Variants in COG6 observed in about 807,000 individuals in gnomAD.
The protein encoded by COG6 is component of oligomeric golgi complex 6.
A neutral mutation model predicts 88.8 loss-of-function variants in COG6; 74 were observed. The ratio of observed to expected loss-of-function variants is 0.83; its 90% CI spans 0.69 to 1.01. The LOEUF (loss-of-function observed/expected upper bound fraction) is 1.01. Ranked by LOEUF, COG6 falls within the 50% of genes least tolerant of loss-of-function variation. The pLI, the probability that COG6 is intolerant of heterozygous loss-of-function variation, is 0.00. For synonymous variants in COG6, 286 were observed against 278.7 expected (o/e 1.03, Z -0.26); for missense variants, 800 against 797.9 (o/e 1.00, Z -0.03).
chr13:39,784,399 G>A (rs1593489818), intron 18 of COG6, among the ~76,000 whole-genome samples: 1 of 152,346 alleles, frequency 6.6e-6, no homozygotes, highest in East Asian at 1.9e-4. Context: ...AGAGGCAGGA[G>A]CTCTGGGCTT....
chr13:39,673,618 A>G (rs1875780250), intron 4 of COG6, among the ~76,000 whole-genome samples: 1 of 152,044 alleles, frequency 6.6e-6, no homozygotes, highest in Non-Finnish European at 1.5e-5. Flanking sequence ...TTTCCATCAT[A>G]TGAATTAGGT....
chr13:39,733,568 G>T (rs1324904174), intron 18 of COG6, among the ~76,000 whole-genome samples: 1 of 151,148 alleles, frequency 6.6e-6, no homozygotes, highest in African/African-American at 2.4e-5. Context: ...GCTCATCAGG[G>T]ATATTGGCCT....
intron 18 of COG6, among the ~76,000 whole-genome samples, chr13:39,746,658 A>G (rs1880367611): frequency 6.6e-6 from 1 of 152,194 alleles, no homozygotes; most frequent in Non-Finnish European, 1.5e-5. Flanking sequence ...GATATTAGTA[A>G]TTAGTGAATA....
intron 18 of COG6, among the ~76,000 whole-genome samples, chr13:39,782,481 C>A (rs541488600): frequency 2.0e-5 from 3 of 152,118 alleles, no homozygotes; most frequent in African/African-American, 7.2e-5. Flanking sequence ...GGGAGGCCCC[C>A]CTCTTGTCCA....
chr13:39,751,889 A>G lies in COG6; in HGVS notation c.*796A>G, dbSNP rs760219571. 5 of 1,281,334 alleles carry G rather than the reference A, an allele frequency of 3.9e-6. No individual in the cohort carries two copies. Among genetic ancestry groups the G allele is most frequent in the East Asian group, 5.6e-5 (1 of 18,000 alleles). 79.4% of individuals were successfully genotyped at this position (1,281,334 alleles called of 1,614,324 possible). A position where few individuals can be genotyped will look rare whatever the true frequency, so the allele number is the denominator to read the frequency against. ...CTGTGTCTAAGCCTGGTGTTTAAAG[A>G]TGGGTATTTGTCATACAATATGGGT... On this transcript the variant is annotated 3_prime_UTR_variant, in exon 19 of 19. Coordinates refer to ENST00000455146, the MANE Select transcript of COG6 (RefSeq NM_020751.3).
intron 16 of COG6, 43 bp from the exon 17 acceptor site, chr13:39,724,465 T>C (rs774100366): frequency 6.9e-7 from 1 of 1,446,610 alleles, no homozygotes; most frequent in South Asian, 1.2e-5. Context: ...ATATCTCCTT[T>C]TTTACATCTT....
At chr13:39,700,103 C>T (rs1566185575) in intron 13 of COG6, among the ~76,000 whole-genome samples, 2 of 151,816 alleles carry the variant, frequency 1.3e-5, no homozygotes, top group Non-Finnish European at 2.9e-5. Context: ...ACAAAATCCT[C>T]AAAGAGTCCT....
At chr13:39,671,866 TTG>T (rs1227348175) in intron 4 of COG6, among the ~76,000 whole-genome samples, 1 of 151,998 alleles carries the variant, frequency 6.6e-6, no homozygotes, top group Non-Finnish European at 1.5e-5. Flanking sequence ...AGTTCCTTCT[TTG>T]TACTCCCACA....
chr13:39,702,004 G>A (rs754729455), intron 13 of COG6, among the ~76,000 whole-genome samples: 1 of 151,960 alleles, frequency 6.6e-6, no homozygotes, highest in African/African-American at 2.4e-5. Context: ...AAGAAAATTA[G>A]AAGTTTTTAG....
At chr13:39,677,675 A>T in intron 5 of COG6, 96 bp downstream of exon 5, 2 of 659,424 alleles carry the variant, frequency 3.0e-6, no homozygotes, top group Non-Finnish European at 5.2e-6. Context: ...CATTAAAAAA[A>T]GTTTCATCTG....
At chr13:39,704,195 G>A (rs1877749726) in intron 13 of COG6, among the ~76,000 whole-genome samples, 2 of 152,036 alleles carry the variant, frequency 1.3e-5, no homozygotes, top group South Asian at 4.1e-4. Flanking sequence ...TCATGTAAAA[G>A]TTAAAATGAA....
intron 8 of COG6, among the ~76,000 whole-genome samples, chr13:39,686,857 G>A (rs1426709111): frequency 1.3e-5 from 2 of 151,944 alleles, no homozygotes; most frequent in Non-Finnish European, 2.9e-5. Context: ...AGCCTTCCGA[G>A]TAGCTGGGAC....
At chr13:39,674,786 G>A (rs1424288728) in intron 4 of COG6, among the ~76,000 whole-genome samples, 2 of 152,108 alleles carry the variant, frequency 1.3e-5, no homozygotes, top group African/African-American at 2.4e-5. Flanking sequence ...AATGTGTGAT[G>A]CTATATACAC....
intron 18 of COG6, among the ~76,000 whole-genome samples, chr13:39,727,855 T>C (rs572121910): frequency 2.0e-5 from 3 of 152,224 alleles, no homozygotes; most frequent in African/African-American, 7.2e-5. Flanking sequence ...GTCAGAATAA[T>C]GTTGAATATG....
At chr13:39,677,730 T>C (rs902733577) in intron 5 of COG6, 151 bp downstream of exon 5, 5 of 568,564 alleles carry the variant, frequency 8.8e-6, no homozygotes, top group African/African-American at 7.5e-5. Flanking sequence ...ATTTTAATTA[T>C]ATTTTTCAAA....
intron 18 of COG6, among the ~76,000 whole-genome samples, chr13:39,777,517 C>A (rs915780243): frequency 7.2e-5 from 11 of 152,106 alleles, no homozygotes; most frequent in African/African-American, 2.2e-4. Flanking sequence ...AGAAACCGGC[C>A]AGGTTTGTAT....
At chr13:39,727,320 A>T (rs1476965375) in intron 17 of COG6, 149 bp from the exon 18 acceptor site, 9 of 676,816 alleles carry the variant, frequency 1.3e-5, no homozygotes, top group Non-Finnish European at 2.1e-5. Flanking sequence ...TAGAATGTTT[A>T]GAAAATACAC....
At chr13:39,688,294 T>G (rs1876783568) in intron 10 of COG6, among the ~76,000 whole-genome samples, 1 of 152,176 alleles carries the variant, frequency 6.6e-6, no homozygotes, top group African/African-American at 2.4e-5. Context: ...GTTAGTATGT[T>G]TCTGCATTGC....
chr13:39,728,966 G>A (rs1024296065), intron 18 of COG6, among the ~76,000 whole-genome samples: 1 of 152,030 alleles, frequency 6.6e-6, no homozygotes, highest in Non-Finnish European at 1.5e-5. Flanking sequence ...CCCGGCCAAT[G>A]TGCTTCTTAA....
Sources: allele counts gnomAD v4.1 joint callset (sites outside exome capture counted in the v4.1 genomes callset), GRCh38; gene constraint gnomAD v4.1.1; transcripts MANE v1.5; gene names NCBI Gene and HGNC (gene_info 2026-07-23, HGNC 2026-07-21).